VEZT: variants seen among roughly 807,000 people sequenced by gnomAD.
The protein encoded by VEZT is vezatin.
VEZT carries 39 observed loss-of-function variants against 79.9 expected under a neutral mutation model. The ratio of observed to expected loss-of-function variants is 0.49; its 90% CI spans 0.38 to 0.64. The LOEUF is 0.64. VEZT is among the 30% of genes least tolerant of loss of function. The pLI, the probability that VEZT is intolerant of heterozygous loss-of-function variation, is 0.00. For synonymous variants in VEZT, 325 were observed against 327.6 expected (o/e 0.99, Z 0.09); for missense variants, 837 against 893.1 (o/e 0.94, Z 0.80).
Position 95,282,556 on chromosome 12 carries a change from T to C in VEZT, c.1240T>C (p.Ser414Pro). Residue 414 changes from serine to proline, a missense_variant, in exon 8 of 12, where the codon TCC (serine) becomes CCC (proline). Transcript: ENST00000436874. ...GCACCAGTCAGTACCGCAGTGTTTA[T>C]CCAAAACTCAACAGAAGTCAAGAGA... is the stretch of plus-strand genomic sequence containing the variant. The part of the protein sequence containing the change: ...TQHQSVPQCL[S>P]KTQQKSRELN... 6.2e-7 allele frequency: 1 copy of C among 1,614,004 alleles called. No individual in the cohort carries two copies. The highest frequency in any genetic ancestry group is 8.5e-7 in the Non-Finnish European group (1 of 1,179,896).
At chr12:95,263,168 G>C in intron 4 of VEZT, 87 bp downstream of exon 4, 2 of 1,185,714 alleles carry the variant, frequency 1.7e-6, no homozygotes, top group Non-Finnish European at 2.3e-6. Flanking sequence ...CCATTGTAAA[G>C]GCATAAACAT....
intron 1 of VEZT, among the ~76,000 whole-genome samples, chr12:95,241,224 A>G (rs2060970224): frequency 6.6e-6 from 1 of 151,640 alleles, no homozygotes; most frequent in Non-Finnish European, 1.5e-5. Flanking sequence ...TTTAGTAGAG[A>G]CAAGGTTTCA....
At chr12:95,225,964 A>G (rs576034872) in intron 1 of VEZT, among the ~76,000 whole-genome samples, 2 of 151,930 alleles carry the variant, frequency 1.3e-5, no homozygotes, top group East Asian at 3.9e-4. Flanking sequence ...GCATGGTGGC[A>G]TGCATCTCTA....
chr12:95,221,495 G>A (rs556614803), intron 1 of VEZT, among the ~76,000 whole-genome samples: 3 of 151,942 alleles, frequency 2.0e-5, no homozygotes, highest in South Asian at 2.1e-4. Flanking sequence ...AACCCAGGAG[G>A]CGGAGGTTGC....
intron 11 of VEZT, among the ~76,000 whole-genome samples, chr12:95,297,781 C>T (rs111245185): frequency 1.0e-3 from 156 of 152,178 alleles, no homozygotes; most frequent in African/African-American, 3.6e-3. Context: ...TTATGTTTAT[C>T]GAATTAAACT....
intron 9 of VEZT, among the ~76,000 whole-genome samples, chr12:95,288,736 C>T (rs2071673281): frequency 6.6e-6 from 1 of 152,088 alleles, no homozygotes; most frequent in African/African-American, 2.4e-5. Context: ...TGATATATTA[C>T]CCGTAGGTTT....
chr12:95,267,917 A>C lies in VEZT; in HGVS notation c.710+1285A>C, dbSNP rs141224388. On this transcript the variant is annotated intron_variant, in intron 5 of 11. Transcript: ENST00000436874. Reference sequence around the variant, plus strand: ...ACACCTGTAGTCCCAGCTACTCGGGAGGCTGAGGTGTGAGGATTGCTTAAA... The same window carrying C: ...ACACCTGTAGTCCCAGCTACTCGGGCGGCTGAGGTGTGAGGATTGCTTAAA... 5.1e-3 allele frequency among the ~76,000 whole-genome samples: 776 copies of C among 152,212 alleles called. 5 individuals carry two copies. The highest frequency in any genetic ancestry group is 0.024 in the Middle Eastern group (7 of 294).
At chr12:95,253,702 T>C (rs542374913) in intron 2 of VEZT, among the ~76,000 whole-genome samples, 1 of 152,342 alleles carries the variant, frequency 6.6e-6, no homozygotes, top group East Asian at 1.9e-4. Context: ...TATTTTTATA[T>C]ATAGAAATGT....
intron 1 of VEZT, among the ~76,000 whole-genome samples, chr12:95,231,192 T>G (rs2059228151): frequency 6.6e-6 from 1 of 152,238 alleles, no homozygotes; most frequent in Non-Finnish European, 1.5e-5. Context: ...ATATGTGTCT[T>G]ACTTTTTCTT....
At chr12:95,255,506 G>A (rs564570616) in intron 2 of VEZT, among the ~76,000 whole-genome samples, 2 of 152,172 alleles carry the variant, frequency 1.3e-5, no homozygotes, top group African/African-American at 4.8e-5. Flanking sequence ...ATCTCAGCTC[G>A]CTGCAACCTC....
intron 1 of VEZT, among the ~76,000 whole-genome samples, chr12:95,226,050 A>G (rs923819135): frequency 6.6e-6 from 1 of 151,130 alleles, no homozygotes; most frequent in African/African-American, 2.4e-5. Context: ...AGCTTTGATG[A>G]GGCCACTGCA....
intron 1 of VEZT, among the ~76,000 whole-genome samples, chr12:95,250,556 G>C (rs1265238646): frequency 1.3e-5 from 2 of 151,894 alleles, no homozygotes; most frequent in African/African-American, 4.8e-5. Context: ...GCCTGCCTCA[G>C]CCTCCCAAAG....
At chr12:95,292,992 A>G (rs1421917150) in intron 9 of VEZT, among the ~76,000 whole-genome samples, 3 of 151,732 alleles carry the variant, frequency 2.0e-5, no homozygotes, top group African/African-American at 7.3e-5. Flanking sequence ...CTGGGATTAC[A>G]GGTACATACC....
At chr12:95,220,669 G>A (rs1415964466) in intron 1 of VEZT, among the ~76,000 whole-genome samples, 1 of 150,360 alleles carries the variant, frequency 6.7e-6, no homozygotes, top group East Asian at 1.9e-4. Flanking sequence ...GGCTTTATTT[G>A]TGAGATTCGT....
intron 1 of VEZT, among the ~76,000 whole-genome samples, chr12:95,233,949 G>A (rs998583869): frequency 1.3e-5 from 2 of 152,052 alleles, no homozygotes; most frequent in Non-Finnish European, 2.9e-5. Flanking sequence ...CTAGGTCAAC[G>A]GATATTTGCA....
At chr12:95,245,042 G>A (rs913612863) in intron 1 of VEZT, among the ~76,000 whole-genome samples, 1 of 152,028 alleles carries the variant, frequency 6.6e-6, no homozygotes, top group Non-Finnish European at 1.5e-5. Flanking sequence ...AGACCAGCCT[G>A]GCCAACATGG....
At chr12:95,217,932 G>A in intron 1 of VEZT, 46 bp downstream of exon 1, 1 of 1,452,196 alleles carries the variant, frequency 6.9e-7, no homozygotes, top group Non-Finnish European at 9.1e-7. Context: ...TGTTTGAGAA[G>A]GACGAGACGG....
chr12:95,232,885 A>C (rs2059462849), intron 1 of VEZT, among the ~76,000 whole-genome samples: 1 of 152,076 alleles, frequency 6.6e-6, no homozygotes. Flanking sequence ...GGCTCACTGC[A>C]TCCTCTACTT....
chr12:95,257,100 G>A (rs773003782), intron 2 of VEZT, 50 bp from the exon 3 acceptor site: 3 of 1,448,404 alleles, frequency 2.1e-6, no homozygotes, highest in Non-Finnish European at 2.8e-6. Context: ...TTTTTCTGCT[G>A]TTTGGGTATG....
Sources: gnomAD v4.1 joint callset for allele counts (sites outside exome capture counted in the v4.1 genomes callset) on GRCh38, gnomAD v4.1.1 for gene constraint, MANE v1.5 for transcripts, NCBI Gene and HGNC (gene_info 2026-07-23, HGNC 2026-07-21) for gene names.